The following PTBP2 variants were observed in gnomAD, a reference collection of about 807,000 sequenced individuals.
PTBP2 encodes polypyrimidine tract binding protein 2.
PTBP2 carries 13 observed loss-of-function variants against 61.4 expected under a neutral mutation model. The observed-to-expected ratio is 0.21, with a 90% CI of 0.14 to 0.34. PTBP2 has a LOEUF of 0.34. Ranked by LOEUF, PTBP2 falls within the 10% of genes least tolerant of loss-of-function variation. The probability of loss-of-function intolerance (pLI) is 1.00; values close to 1 mark genes in which losing one functional copy is unlikely to be tolerated. For missense variants in PTBP2, 405 were observed against 642.6 expected (o/e 0.63, Z 4.00); for synonymous variants, 215 against 218.5 (o/e 0.98, Z 0.14).
At chr1:96,790,574 A>T (rs902982173) in intron 8 of PTBP2, among the ~76,000 whole-genome samples, 2 of 152,202 alleles carry the variant, frequency 1.3e-5, no homozygotes, top group Non-Finnish European at 2.9e-5. Flanking sequence ...TCCTTCATCA[A>T]CTAGAATTAT....
At chr1:96,772,453 A>G (rs1657488097) in intron 5 of PTBP2, among the ~76,000 whole-genome samples, 1 of 152,138 alleles carries the variant, frequency 6.6e-6, no homozygotes, top group Non-Finnish European at 1.5e-5. Context: ...TGTCTATTTT[A>G]CAATGTCACA....
intron 2 of PTBP2, among the ~76,000 whole-genome samples, chr1:96,749,235 C>T (rs570153596): frequency 6.6e-6 from 1 of 152,208 alleles, no homozygotes; most frequent in African/African-American, 2.4e-5. Flanking sequence ...AGATTCCCCA[C>T]CTATCGTCTT....
intron 3 of PTBP2, among the ~76,000 whole-genome samples, chr1:96,761,238 T>C (rs1214107685): frequency 1.3e-5 from 2 of 152,124 alleles, no homozygotes; most frequent in East Asian, 3.9e-4. Context: ...CAGTAGATTA[T>C]CTCTGAGAAC....
intron 7 of PTBP2, among the ~76,000 whole-genome samples, chr1:96,778,897 G>C (rs1217133660): frequency 1.3e-5 from 2 of 152,032 alleles, no homozygotes; most frequent in Admixed American, 6.6e-5. Context: ...TAGCAGAAAG[G>C]CTATACAAGT....
intron 2 of PTBP2, among the ~76,000 whole-genome samples, chr1:96,726,366 G>A (rs1048199166): frequency 2.7e-5 from 4 of 148,598 alleles, no homozygotes; most frequent in African/African-American, 5.0e-5. Context: ...TCTGCCTCCT[G>A]GGTTCAGGCA....
At chr1:96,740,974 CTT>C (rs1282853237) in intron 2 of PTBP2, among the ~76,000 whole-genome samples, 1 of 151,864 alleles carries the variant, frequency 6.6e-6, no homozygotes, top group East Asian at 1.9e-4. Flanking sequence ...TAGATTGTGT[CTT>C]TTCAAATCGA....
intron 2 of PTBP2, chr1:96,749,494 G>T: frequency 3.1e-6 from 1 of 326,178 alleles, no homozygotes; most frequent in South Asian, 2.3e-5. Context: ...AAAACTTTAA[G>T]CATCACTTAA....
chr1:96,792,320 C>T (rs182523118), intron 8 of PTBP2, among the ~76,000 whole-genome samples: 156 of 152,274 alleles, frequency 1.0e-3, no homozygotes, highest in African/African-American at 3.6e-3. Context: ...TACATCATCT[C>T]TAAATGTAGT....
At chr1:96,798,114 G>A (rs185160520) in intron 8 of PTBP2, among the ~76,000 whole-genome samples, 16 of 151,404 alleles carry the variant, frequency 1.1e-4, no homozygotes, top group Admixed American at 2.0e-4. Flanking sequence ...GCTGTCAGGC[G>A]TGGTGTCTCA....
At chr1:96,776,304 TA>T (rs1216629094) in intron 5 of PTBP2, among the ~76,000 whole-genome samples, 1 of 152,026 alleles carries the variant, frequency 6.6e-6, no homozygotes, top group Non-Finnish European at 1.5e-5. Flanking sequence ...TCTATAAAAC[TA>T]ATTTTACCAA....
chr1:96,762,604 C>A (rs1656085673), intron 3 of PTBP2, among the ~76,000 whole-genome samples: 1 of 147,444 alleles, frequency 6.8e-6, no homozygotes, highest in Admixed American at 6.7e-5. Flanking sequence ...CTCCTCACTT[C>A]CCAGTAGGGG....
intron 8 of PTBP2, among the ~76,000 whole-genome samples, chr1:96,796,722 G>A (rs978894062): frequency 3.9e-5 from 6 of 152,092 alleles, no homozygotes; most frequent in Admixed American, 1.3e-4. Context: ...AGGAATAGTA[G>A]CAAATGAGCA....
chr1:96,808,448 A>G (rs772846351), intron 11 of PTBP2, among the ~76,000 whole-genome samples: 7 of 151,924 alleles, frequency 4.6e-5, no homozygotes, highest in Non-Finnish European at 1.0e-4. Flanking sequence ...TTCCCCTTGT[A>G]AGGATCCTAG....
chr1:96,767,359 G>A (rs1219465136), intron 3 of PTBP2, among the ~76,000 whole-genome samples: 1 of 152,078 alleles, frequency 6.6e-6, no homozygotes, highest in Non-Finnish European at 1.5e-5. Context: ...ACAGTGATAG[G>A]TAGTATCTTT....
chr1:96,813,030 C>T lies in PTBP2; in HGVS notation c.1390C>T (p.Pro464Ser). 1 of 1,611,782 alleles carries T rather than the reference C, an allele frequency of 6.2e-7. No homozygotes were observed. Among genetic ancestry groups the T allele is most frequent in the Non-Finnish European group, 8.5e-7 (1 of 1,178,166 alleles). Reference protein sequence around the residue: ...SATLHLSNIPPSVAEEDLRTL... With the variant: ...SATLHLSNIPSSVAEEDLRTL... The stretch of plus-strand genomic sequence containing the variant: ...TTTCTTCCCATTCAATTTTCCTAGT[C>T]CATCAGTAGCAGAAGAGGATCTACG... Residue 464 changes from proline to serine, a missense_variant and splice_region_variant, in exon 13 of 14, where the codon CCA (proline) becomes TCA (serine). Physicochemically the swap from Pro to Ser is moderately conservative, Grantham distance 74. Transcript: ENST00000674951.
chr1:96,816,167 A>G (rs892304546), downstream of PTBP2: 6 of 152,304 alleles, frequency 3.9e-5, no homozygotes, highest in Admixed American at 2.0e-4. Context: ...CCTAAGGACT[A>G]CAGCAGATTC....
At chr1:96,721,937 C>G in intron 1 of PTBP2, 65 bp downstream of exon 1, 3 of 1,550,322 alleles carry the variant, frequency 1.9e-6, no homozygotes, top group East Asian at 2.4e-5. Context: ...TCGGCCCGGT[C>G]CCGGGCCGGG....
At chr1:96,747,448 G>A (rs942849913) in intron 2 of PTBP2, among the ~76,000 whole-genome samples, 2 of 151,950 alleles carry the variant, frequency 1.3e-5, no homozygotes, top group African/African-American at 4.8e-5. Context: ...ATTTTCTTCT[G>A]AAATTTTAAA....
chr1:96,809,508 AGTTT>A (rs151149272), intron 11 of PTBP2, among the ~76,000 whole-genome samples: 2,997 of 152,022 alleles, frequency 0.02, 98 homozygotes, highest in African/African-American at 0.066. Context: ...ATGAGTCAGA[AGTTT>A]GTTTGTTTGT....
Sources: allele counts gnomAD v4.1 joint callset (sites outside exome capture counted in the v4.1 genomes callset), GRCh38; gene constraint gnomAD v4.1.1; transcripts MANE v1.5; gene names NCBI Gene and HGNC (gene_info 2026-07-23, HGNC 2026-07-21).